Variants in TRANK1 observed in about 807,000 individuals in gnomAD.
TRANK1 encodes the protein tetratricopeptide repeat and ankyrin repeat containing 1.
A neutral mutation model predicts 266.0 loss-of-function variants in TRANK1; 198 were observed. The observed-to-expected ratio is 0.74, with a 90% CI of 0.66 to 0.84. TRANK1 has a LOEUF of 0.84. Ranked by LOEUF, TRANK1 falls within the 40% of genes least tolerant of loss-of-function variation. TRANK1 has a pLI of 0.00. For missense variants in TRANK1, 3,326 were observed against 3,634.6 expected (o/e 0.92, Z 2.18); for synonymous variants, 1,396 against 1,384.1 (o/e 1.01, Z -0.19).
intron 8 of TRANK1, among the ~76,000 whole-genome samples, chr3:36,876,834 T>C (rs1309940259): frequency 6.6e-6 from 1 of 152,138 alleles, no homozygotes; most frequent in Non-Finnish European, 1.5e-5. Context: ...CCAGTTTGAG[T>C]GTAGCTTCTA....
At position 36,900,851 on chromosome 3, in the gene TRANK1, C is replaced by CAAAAAAAAAAAA. The variant is rs138198488; in HGVS notation, c.283-1604_283-1593dup. Among the ~76,000 whole-genome samples the CAAAAAAAAAAAA allele has an allele frequency of 2.3e-3, 146 of 62,940 alleles. 24 individuals carry two copies. The highest frequency in any genetic ancestry group is 3.8e-3 in the South Asian group (6 of 1,586). The allele number at this position is 62,940 out of a possible 152,430, so 41.3% of individuals were successfully genotyped here. A position where few individuals can be genotyped will look rare whatever the true frequency, so the allele number is the denominator to read the frequency against. Reference sequence around the variant, plus strand: ...TGGGTGACAAAGCAAGACCCTGTCTCAAAAAAAAAAAAAAAAAAAAAAAAA... The same window carrying CAAAAAAAAAAAA: ...TGGGTGACAAAGCAAGACCCTGTCTCAAAAAAAAAAAAAAAAAAAAAAAAAAAAAAAAAAAAA... On this transcript the variant is annotated intron_variant, in intron 3 of 23. Coordinates refer to ENST00000645898, the MANE Select transcript of TRANK1 (RefSeq NM_001329998.2).
intron 9 of TRANK1, among the ~76,000 whole-genome samples, chr3:36,866,097 A>AAAGAAAGAAAGAAAGG (rs2079221058): frequency 1.3e-5 from 2 of 152,020 alleles, no homozygotes; most frequent in Admixed American, 6.5e-5. Flanking sequence ...AGAAAGAAAG[A>AAAGAAAGAAAGAAAGG]AAGAAAGAAA....
At chr3:36,847,099 C>T (rs2078925098) in intron 16 of TRANK1, 101 bp downstream of exon 16, 10 of 1,383,366 alleles carry the variant, frequency 7.2e-6, no homozygotes, top group Non-Finnish European at 9.6e-6. Flanking sequence ...CTGAGGAAAA[C>T]CAGCCAAGTG....
intron 2 of TRANK1, among the ~76,000 whole-genome samples, chr3:36,907,459 A>ATTTTTTTTT (rs1212991729): frequency 2.4e-4 from 25 of 104,328 alleles, no homozygotes; most frequent in Non-Finnish European, 3.2e-4. Context: ...AAATTTATTG[A>ATTTTTTTTT]TTTTTTTTTT....
chr3:36,884,039 C>G (rs2125593873), intron 8 of TRANK1, among the ~76,000 whole-genome samples: 1 of 152,230 alleles, frequency 6.6e-6, no homozygotes, highest in East Asian at 1.9e-4. Flanking sequence ...TATGGGTTAC[C>G]TAGTCTGAAA....
In TRANK1 at chr3:36,831,357, G is replaced by A; in HGVS notation, c.8226C>T (p.Thr2742=). The change falls in exon 22 of 24, where the codon ACC becomes ACT. Residue 2742 remains threonine (T), a synonymous_variant. Coordinates refer to ENST00000645898, the MANE Select transcript of TRANK1 (RefSeq NM_001329998.2). This position sits in a 1 kb window ranked among gnomAD's most constrained non-coding sequence, Gnocchi z 5.0. ...LCISWRRRVG[T]QMERVREEAR... The stretch of plus-strand genomic sequence containing the variant: ...CCTCCTCCCTGACACGCTCCATCTG[G>A]GTGCCCACTCTTCTCCTCCAACTGA... The A allele has an allele frequency of 6.2e-7, 1 of 1,613,350 alleles. No homozygotes were observed. The highest frequency in any genetic ancestry group is 1.1e-5 in the South Asian group (1 of 90,966).
At position 36,855,961 on chromosome 3, in the gene TRANK1, T is replaced by C. The variant is rs1372655860; in HGVS notation, c.3761A>G (p.Asp1254Gly). The C allele has an allele frequency of 1.2e-6, 2 of 1,613,472 alleles. No homozygotes were observed. The highest frequency in any genetic ancestry group is 1.7e-6 in the Non-Finnish European group (2 of 1,179,818). The change falls in exon 13 of 24, where the codon GAT becomes GGT. Residue 1254 changes from aspartate to glycine, a missense_variant. Asp to Gly is a moderately conservative substitution (Grantham distance 94). Coordinates refer to ENST00000645898, the MANE Select transcript of TRANK1 (RefSeq NM_001329998.2). Reference protein sequence around the residue: ...VTSKQLLLLLDASLPKPFFLR... With the variant: ...VTSKQLLLLLGASLPKPFFLR... ...AAAAAATGGTTTGGGCAGAGAAGCA[T>C]CAAGCAGAAGAAGCAGCTGCTTGGA...
chr3:36,903,416 C>T (rs2125624660), intron 2 of TRANK1, 141 bp from the exon 3 acceptor site: 3 of 1,049,198 alleles, frequency 2.9e-6, no homozygotes, highest in East Asian at 5.3e-5. Context: ...TCAGATCAGT[C>T]TCCCAGACCC....
At position 36,834,700 on chromosome 3, in the gene TRANK1, G is replaced by A. The variant is rs76183712; in HGVS notation, c.5663+62C>T. 22 of 1,560,328 alleles carry A rather than the reference G, an allele frequency of 1.4e-5. No individual in the cohort carries two copies. The East Asian group carries it at 5.0e-4, about 35-fold the overall frequency. ...CAGCAGGATAGCACCACCCAGAGCAGGCTGCCCCCAGAGAGAAGTGGGAGG... is the reference window on the plus strand; with the variant it reads ...CAGCAGGATAGCACCACCCAGAGCAAGCTGCCCCCAGAGAGAAGTGGGAGG... On this transcript the variant is annotated intron_variant, in intron 21 of 23. Coordinates refer to ENST00000645898, the MANE Select transcript of TRANK1 (RefSeq NM_001329998.2).
chr3:36,921,781 G>T (rs1185442442), intron 1 of TRANK1, among the ~76,000 whole-genome samples: 1 of 152,190 alleles, frequency 6.6e-6, no homozygotes, highest in Non-Finnish European at 1.5e-5. Flanking sequence ...TGCTGGGTTT[G>T]CCAAACAACA....
chr3:36,889,772 C>G (rs140458611), intron 8 of TRANK1, 57 bp downstream of exon 8: 1 of 1,483,520 alleles, frequency 6.7e-7, no homozygotes, highest in Non-Finnish European at 8.9e-7. Flanking sequence ...GGTGTGGGTC[C>G]TCAAAGCCTG....
intron 1 of TRANK1, among the ~76,000 whole-genome samples, chr3:36,909,907 A>G (rs992788777): frequency 6.6e-6 from 1 of 152,374 alleles, no homozygotes; most frequent in Middle Eastern, 3.4e-3. Context: ...TAAGAAGAAC[A>G]TGAAAAAATG....
In TRANK1 at chr3:36,851,722, A is replaced by G. The variant is rs771908381; in HGVS notation, c.4884T>C (p.Ser1628=). The G allele has an allele frequency of 6.2e-7, 1 of 1,610,728 alleles. No individual in the cohort carries two copies. The change falls in exon 15 of 24, where the codon TCT becomes TCC. Residue 1628 remains serine, a synonymous_variant. Coordinates refer to ENST00000645898, the MANE Select transcript of TRANK1 (RefSeq NM_001329998.2). The stretch of plus-strand genomic sequence containing the variant: ...AAAAGAATTAGGTGTGACATACCTC[A>G]GAATCAGTAAAAAAGTTGTAAAGGA... ...DVLLYNFFTD[S]EAYKEWKIIS...
chr3:36,914,394 G>T (rs558361990), intron 1 of TRANK1, among the ~76,000 whole-genome samples: 1 of 150,484 alleles, frequency 6.6e-6, no homozygotes, highest in African/African-American at 2.4e-5. Context: ...TGATCCCTCG[G>T]TCTTCCAAAG....
At chr3:36,906,837 T>C (rs2079975718) in intron 2 of TRANK1, among the ~76,000 whole-genome samples, 1 of 152,208 alleles carries the variant, frequency 6.6e-6, no homozygotes. Context: ...CTTCTGATCT[T>C]CAGAATTGCA....
chr3:36,895,520 A>T, intron 5 of TRANK1, 120 bp downstream of exon 5: 1 of 595,698 alleles, frequency 1.7e-6, no homozygotes, highest in Non-Finnish European at 2.7e-6. Context: ...TATCCTAGTT[A>T]AAAATTTACC....
At chr3:36,907,148 A>ATATTTATT (rs747053801) in intron 2 of TRANK1, among the ~76,000 whole-genome samples, 2 of 152,104 alleles carry the variant, frequency 1.3e-5, no homozygotes, top group Admixed American at 1.3e-4. Context: ...ATTTACTGAT[A>ATATTTATT]TATTTATTTA....
At chr3:36,854,842 A>G (rs1259454868) in intron 13 of TRANK1, among the ~76,000 whole-genome samples, 2 of 151,994 alleles carry the variant, frequency 1.3e-5, no homozygotes, top group South Asian at 4.1e-4. Context: ...ATTACTTTAT[A>G]TAGAACGAGC....
At chr3:36,847,063 C>T (rs1186413481) in intron 16 of TRANK1, 137 bp downstream of exon 16, 10 of 1,080,880 alleles carry the variant, frequency 9.3e-6, no homozygotes, top group African/African-American at 6.4e-5. Context: ...CCTGCCCCTT[C>T]CTTTCTTATC....
Sources: allele counts gnomAD v4.1 joint callset (sites outside exome capture counted in the v4.1 genomes callset), GRCh38; gene constraint gnomAD v4.1.1; non-coding constraint Gnocchi (gnomAD v3.1); transcripts MANE v1.5; gene names NCBI Gene and HGNC (gene_info 2026-07-23, HGNC 2026-07-21).